DCAF6: variants seen among roughly 807,000 people sequenced by gnomAD.
DCAF6 encodes the protein DDB1- and CUL4-associated factor 6.
In DCAF6, 54 loss-of-function variants were observed where a neutral mutation model predicts 125.1. That is an observed-to-expected ratio of 0.43 (90% CI 0.35 to 0.54). The LOEUF (loss-of-function observed/expected upper bound fraction) is 0.54, where lower values mean the gene tolerates loss of function less well. DCAF6 is among the 20% of genes least tolerant of loss of function. The pLI is 0.01. For missense variants in DCAF6, 934 were observed against 1,161.7 expected (o/e 0.80, Z 2.85); for synonymous variants, 371 against 390.4 (o/e 0.95, Z 0.58).
At chr1:168,072,211 C>A (rs1257722007) in intron 21 of DCAF6, among the ~76,000 whole-genome samples, 1 of 136,862 alleles carries the variant, frequency 7.3e-6, no homozygotes, top group Non-Finnish European at 1.5e-5. Flanking sequence ...GCAGGAGAAT[C>A]GCCTGAACCC....
chr1:168,001,663 A>G (rs1011762382), intron 7 of DCAF6, among the ~76,000 whole-genome samples: 1 of 152,208 alleles, frequency 6.6e-6, no homozygotes, highest in Non-Finnish European at 1.5e-5. Flanking sequence ...AAAAATGATA[A>G]GAACCTTTAG....
At chr1:167,992,812 T>C (rs1455310665) in intron 6 of DCAF6, among the ~76,000 whole-genome samples, 1 of 152,232 alleles carries the variant, frequency 6.6e-6, no homozygotes, top group Non-Finnish European at 1.5e-5. Context: ...AAAAGTTGTA[T>C]CATCTTAAGG....
chr1:168,053,805 C>A (rs771888438), intron 17 of DCAF6, among the ~76,000 whole-genome samples: 2 of 152,180 alleles, frequency 1.3e-5, no homozygotes, highest in Non-Finnish European at 2.9e-5. Context: ...GTTATTTTTG[C>A]AGTTTACGCA....
the DCAF6 span, among the ~76,000 whole-genome samples, chr1:167,887,543 C>T: frequency 6.6e-6 from 1 of 151,654 alleles, no homozygotes; most frequent in Non-Finnish European, 1.5e-5. Context: ...CAGGGCCTGT[C>T]GTGGGCTGGG....
At chr1:167,970,918 G>C (rs889854434) in intron 3 of DCAF6, among the ~76,000 whole-genome samples, 1 of 151,928 alleles carries the variant, frequency 6.6e-6, no homozygotes, top group African/African-American at 2.4e-5. Flanking sequence ...CATATACTGG[G>C]GAGTCCCATT....
chr1:167,923,401 A>C, the DCAF6 span, among the ~76,000 whole-genome samples: 2 of 152,200 alleles, frequency 1.3e-5, no homozygotes, highest in Non-Finnish European at 2.9e-5. Flanking sequence ...TGACAACGTT[A>C]ATGTACCTTG....
the DCAF6 span, among the ~76,000 whole-genome samples, chr1:167,868,462 G>T: frequency 1.3e-5 from 2 of 152,274 alleles, no homozygotes; most frequent in Admixed American, 1.3e-4. Flanking sequence ...CACAAAAACA[G>T]TTACATGGTG....
the DCAF6 span, among the ~76,000 whole-genome samples, chr1:167,868,335 T>G: frequency 6.6e-6 from 1 of 152,152 alleles, no homozygotes; most frequent in Non-Finnish European, 1.5e-5. Flanking sequence ...ACCCTGATCA[T>G]TTCTAGGTTC....
At chr1:167,863,929 G>A in the DCAF6 span, among the ~76,000 whole-genome samples, 1 of 152,138 alleles carries the variant, frequency 6.6e-6, no homozygotes, top group African/African-American at 2.4e-5. Flanking sequence ...CTTGGTTTTG[G>A]TTTTGACTTG....
chr1:168,018,499 C>G (rs1302320957), intron 11 of DCAF6, among the ~76,000 whole-genome samples: 1 of 152,152 alleles, frequency 6.6e-6, no homozygotes. Context: ...CTGCTTGCTC[C>G]TCCTGCTACC....
chr1:167,871,860 G>T, the DCAF6 span, among the ~76,000 whole-genome samples: 1 of 152,002 alleles, frequency 6.6e-6, no homozygotes, highest in Non-Finnish European at 1.5e-5. Flanking sequence ...CCTCAATTTC[G>T]TGAGATGTTT....
At chr1:168,032,294 T>TGCCTACAG (rs1317240912) in intron 12 of DCAF6, among the ~76,000 whole-genome samples, 1 of 152,254 alleles carries the variant, frequency 6.6e-6, no homozygotes, top group Non-Finnish European at 1.5e-5. Flanking sequence ...GCCTCACAGT[T>TGCCTACAG]ATCTGTAGGG....
intron 12 of DCAF6, among the ~76,000 whole-genome samples, chr1:168,035,994 G>A (rs1057141075): frequency 2.0e-5 from 3 of 152,050 alleles, no homozygotes; most frequent in African/African-American, 2.4e-5. Flanking sequence ...CCCGGGAGGC[G>A]GAGCTTGCAG....
At chr1:167,871,427 G>GA in the DCAF6 span, among the ~76,000 whole-genome samples, 2 of 152,058 alleles carry the variant, frequency 1.3e-5, no homozygotes, top group African/African-American at 2.4e-5. Flanking sequence ...ACTTGGAAAA[G>GA]AAAAAAATAA....
intron 11 of DCAF6, chr1:168,019,489 G>A: frequency 2.3e-6 from 1 of 442,206 alleles, no homozygotes. Context: ...AACAGGTATG[G>A]CAGAGGCATT....
intron 10 of DCAF6, among the ~76,000 whole-genome samples, chr1:168,013,899 C>T (rs1684623317): frequency 6.6e-6 from 1 of 152,038 alleles, no homozygotes; most frequent in Non-Finnish European, 1.5e-5. Flanking sequence ...ATCACCATGC[C>T]TGGCTAATTT....
At chr1:167,988,186 G>T (rs1371235439) in intron 5 of DCAF6, among the ~76,000 whole-genome samples, 7 of 151,930 alleles carry the variant, frequency 4.6e-5, no homozygotes, top group African/African-American at 1.5e-4. Context: ...TTGAGACAAG[G>T]TCTCACTGTG....
intron 10 of DCAF6, among the ~76,000 whole-genome samples, chr1:168,010,381 A>C (rs1684122219): frequency 6.6e-6 from 1 of 152,122 alleles, no homozygotes; most frequent in South Asian, 2.1e-4. Context: ...TGCCCTGAAG[A>C]ATGGTAAATC....
intron 7 of DCAF6, among the ~76,000 whole-genome samples, chr1:167,996,932 C>A (rs537559594): frequency 1.6e-4 from 24 of 152,278 alleles, no homozygotes; most frequent in Admixed American, 3.9e-4. Context: ...TACTACCTAT[C>A]CCCTTTTCTA....
Sources: allele counts gnomAD v4.1 joint callset (sites outside exome capture counted in the v4.1 genomes callset), GRCh38; gene constraint gnomAD v4.1.1; transcripts MANE v1.5; gene names NCBI Gene and HGNC (gene_info 2026-07-23, HGNC 2026-07-21).